TRPV4: variants seen among roughly 807,000 people sequenced by gnomAD.
TRPV4 encodes the protein transient receptor potential cation channel subfamily V member 4, also known as OSM9-like transient receptor potential channel 4.
In TRPV4, 58 loss-of-function variants were observed where a neutral mutation model predicts 84.1. The observed-to-expected ratio is 0.69, with a 90% CI of 0.56 to 0.86. The LOEUF is 0.86. Among genes scored for constraint, TRPV4 ranks in the 40% least tolerant of loss-of-function variants. TRPV4 has a pLI of 0.00. For synonymous variants in TRPV4, 489 were observed against 500.9 expected (o/e 0.98, Z 0.32); for missense variants, 879 against 1,181.1 (o/e 0.74, Z 3.75).
Position 109,803,017 on chromosome 12 carries a change from G to A in TRPV4, c.686C>T (p.Ser229Leu), listed in dbSNP as rs373980330. ...RTGNMREFIN[S>L]PFRDIYYRGQ... is the part of the protein sequence containing the mutation. ...TCGATAGTAGATGTCACGGAAGGGC[G>A]AGTTAATGAACTCCCTCATGTTGCC... is the stretch of plus-strand genomic sequence containing the variant. Residue 229 changes from serine to leucine, a missense_variant, in exon 4 of 16, where the codon TCG becomes TTG. Physicochemically the swap from Ser to Leu is moderately radical, Grantham distance 145. Transcript: ENST00000261740. 1.3e-5 allele frequency: 21 copies of A among 1,613,938 alleles called. No individual in the cohort carries two copies. The highest frequency in any genetic ancestry group is 4.0e-5 in the African/African-American group (3 of 74,926).
chr12:109,806,698 A>T (rs1891155766), intron 3 of TRPV4, among the ~76,000 whole-genome samples: 1 of 30,064 alleles, frequency 3.3e-5, no homozygotes, highest in Non-Finnish European at 1.0e-4. Flanking sequence ...TTAAAAAAAA[A>T]GAAAAAAAAA....
chr12:109,798,548 C>G lies in TRPV4; in HGVS notation c.1152+66G>C. ...ATTAATAATGAATACCAGCAGCAGA[C>G]CCTCGTGTGTGTGTGCAGAGGGGTA... On this transcript the variant is annotated intron_variant, in intron 6 of 15. Coordinates refer to ENST00000261740, the MANE Select transcript of TRPV4 (RefSeq NM_021625.5). The surrounding 1 kb of genome is among the most constrained non-coding windows in gnomAD (Gnocchi z 5.0). 1 of 1,584,530 alleles carries G rather than the reference C, an allele frequency of 6.3e-7. No individual in the cohort carries two copies. Among genetic ancestry groups the G allele is most frequent in the South Asian group, 1.1e-5 (1 of 90,026 alleles).
chr12:109,802,455 C>T (rs1890851378), intron 4 of TRPV4, among the ~76,000 whole-genome samples: 1 of 151,840 alleles, frequency 6.6e-6, no homozygotes, highest in Non-Finnish European at 1.5e-5. Flanking sequence ...GTGCGCACCA[C>T]CACGCCTGGC....
Position 109,786,860 on chromosome 12 carries a change from G to A in TRPV4, c.2209-23C>T. ...CCACTGCGGGGAGGGAGGGTCAGGAGGGACATCGGTGAGCCTCACAGCCTG... is the reference window on the plus strand; with the variant it reads ...CCACTGCGGGGAGGGAGGGTCAGGAAGGACATCGGTGAGCCTCACAGCCTG... On this transcript the variant is annotated intron_variant, in intron 13 of 15. Transcript: ENST00000261740. This position sits in a 1 kb window ranked among gnomAD's most constrained non-coding sequence, Gnocchi z 4.5. 6.2e-7 allele frequency: 1 copy of A among 1,613,380 alleles called. No homozygotes were observed.
At position 109,794,321 on chromosome 12, in the gene TRPV4, G is replaced by A. The variant is rs752455441; in HGVS notation, c.1491+8C>T. The A allele has an allele frequency of 1.3e-5, 21 of 1,611,232 alleles. No homozygotes were observed. The African/African-American group carries it at 2.8e-4, about 22-fold the overall frequency. On this transcript the variant is annotated splice_region_variant and intron_variant, in intron 8 of 15. Transcript: ENST00000261740. ...GCCCCAGCCCCTGCCCGGTCCCCGG[G>A]CACTCACTGTGCCCTCCAGCGGCTG...
chr12:109,796,129 T>C lies in TRPV4; in HGVS notation c.1332+396A>G, dbSNP rs1183789631. Among the ~76,000 whole-genome samples, 3 of 152,160 alleles carry C rather than the reference T, an allele frequency of 2.0e-5. No individual in the cohort carries two copies. The highest frequency in any genetic ancestry group is 4.4e-5 in the Non-Finnish European group (3 of 68,016). On this transcript the variant is annotated intron_variant, in intron 7 of 15. Transcript: ENST00000261740. This position sits in a 1 kb window ranked among gnomAD's most constrained non-coding sequence, Gnocchi z 4.2. ...AAAAGCTGACATAATGTTTACTCTG[T>C]GCCAAGCCATTCTAAAATTAACCTC...
intron 2 of TRPV4, among the ~76,000 whole-genome samples, chr12:109,812,494 G>A (rs978598643): frequency 6.6e-6 from 1 of 152,232 alleles, no homozygotes; most frequent in Admixed American, 6.5e-5. Context: ...AGGAAGAGAA[G>A]GTAGGGAGAT....
At position 109,814,728 on chromosome 12, in the gene TRPV4, A is replaced by C. The variant is rs970940485; in HGVS notation, c.69T>G (p.Ser23Arg). 12 of 1,596,386 alleles carry C rather than the reference A, an allele frequency of 7.5e-6. No individual in the cohort carries two copies. The highest frequency in any genetic ancestry group is 3.5e-5 in the Admixed American group (2 of 57,494). Reference protein sequence around the residue: ...GEVAELPGDESGTPGGEAFPL... With the variant: ...GEVAELPGDERGTPGGEAFPL... The stretch of plus-strand genomic sequence containing the variant: ...GAAAAGCCTCCCCACCTGGGGTGCC[A>C]CTCTCATCCCCGGGGAGCTCAGCCA... The change falls in exon 2 of 16, where the codon AGT (serine) becomes AGG (arginine). Residue 23 changes from serine to arginine, a missense_variant. Ser to Arg is a moderately radical substitution (Grantham distance 110). Transcript: ENST00000261740. The surrounding 1 kb of genome is among the most constrained non-coding windows in gnomAD (Gnocchi z 5.4).
At position 109,831,116 on chromosome 12, in the gene TRPV4, C is replaced by T. The variant is rs933889665; in HGVS notation, c.-32+2234G>A. ...CTGATTTAGCTCCTGCCTGTCTGAT[C>T]CCTCACCCTTTCCAGTCACGTCACA... On this transcript the variant is annotated intron_variant, in intron 1 of 15. Transcript: ENST00000261740. 3.6e-5 allele frequency among the ~76,000 whole-genome samples: 5 copies of T among 138,942 alleles called. No individual in the cohort carries two copies. The East Asian group carries it at 7.9e-4, about 22-fold the overall frequency. 91.2% of individuals were successfully genotyped at this position (138,942 alleles called of 152,430 possible).
chr12:109,792,914 G>A, intron 10 of TRPV4, 97 bp from the exon 11 acceptor site: 1 of 1,302,936 alleles, frequency 7.7e-7, no homozygotes. Context: ...CAGGGTATCA[G>A]GACTTCCCAA....
chr12:109,788,620 C>T lies in TRPV4; in HGVS notation c.1988G>A (p.Ser663Asn). ...CAGGAGGAAGGTGCTGAAGGTCTCG[C>T]TGTCACGGCACGAGGGGTAAGTGGG... ...TVPTYPSCRD[S>N]ETFSTFLLDL... Residue 663 changes from serine (S) to asparagine (N), a missense_variant, in exon 13 of 16, where the codon AGC (serine) becomes AAC (asparagine). Physicochemically the swap from Ser to Asn is conservative, Grantham distance 46 (BLOSUM62 1). Coordinates refer to ENST00000261740, the MANE Select transcript of TRPV4 (RefSeq NM_021625.5). The T allele has an allele frequency of 6.2e-7, 1 of 1,614,246 alleles. No homozygotes were observed. The highest frequency in any genetic ancestry group is 8.5e-7 in the Non-Finnish European group (1 of 1,180,054).
In TRPV4 at chr12:109,815,226, G is replaced by A. The variant is rs1293606914; in HGVS notation, c.-31-399C>T. ...GTCATTCCATGACATTGAGCAAGTC[G>A]ACATTTCATAGCCTCAGCTTCCTGA... On this transcript the variant is annotated intron_variant, in intron 1 of 15. Coordinates refer to ENST00000261740, the MANE Select transcript of TRPV4 (RefSeq NM_021625.5). This position sits in a 1 kb window ranked among gnomAD's most constrained non-coding sequence, Gnocchi z 4.1. Among the ~76,000 whole-genome samples, 2 of 152,218 alleles carry A rather than the reference G, an allele frequency of 1.3e-5. No homozygotes were observed. The highest frequency in any genetic ancestry group is 4.8e-5 in the African/African-American group (2 of 41,448).
intron 1 of TRPV4, among the ~76,000 whole-genome samples, chr12:109,817,086 G>C (rs1350678069): frequency 6.6e-6 from 1 of 152,136 alleles, no homozygotes; most frequent in Non-Finnish European, 1.5e-5. Flanking sequence ...CTGGAGACAC[G>C]AAGTCCTTTC....
Position 109,792,709 on chromosome 12 carries a change from G to A in TRPV4, c.1767C>T (p.Ala589=). 6.2e-7 allele frequency: 1 copy of A among 1,614,140 alleles called. No individual in the cohort carries two copies. The highest frequency in any genetic ancestry group is 2.2e-5 in the East Asian group (1 of 44,870). ...GCTTCAGCCCACGGGTGAAGTAAAGGGCATTCATCCAGCCCAGGACCAGGG... is the reference window on the plus strand; with the variant it reads ...GCTTCAGCCCACGGGTGAAGTAAAGAGCATTCATCCAGCCCAGGACCAGGG... The part of the protein sequence containing the change: ...VFALVLGWMN[A]LYFTRGLKLT... The change falls in exon 11 of 16, where the codon GCC becomes GCT. Residue 589 remains alanine, a synonymous_variant. Transcript: ENST00000261740.
At chr12:109,785,365 T>A (rs1165939751) in intron 14 of TRPV4, among the ~76,000 whole-genome samples, 1 of 152,058 alleles carries the variant, frequency 6.6e-6, no homozygotes, top group African/African-American at 2.4e-5. Flanking sequence ...CATTTTTTTA[T>A]ATATTATCTT....
chr12:109,791,768 G>A (rs1294647988), intron 12 of TRPV4, among the ~76,000 whole-genome samples: 1 of 151,828 alleles, frequency 6.6e-6, no homozygotes, highest in Non-Finnish European at 1.5e-5. Flanking sequence ...ACAGATGTGA[G>A]CCACTGCGCC....
chr12:109,809,947 T>A (rs936822020), intron 2 of TRPV4, among the ~76,000 whole-genome samples: 4 of 152,236 alleles, frequency 2.6e-5, no homozygotes, highest in Non-Finnish European at 4.4e-5. Context: ...TAGTTGATAT[T>A]ACCATTATTA....
intron 1 of TRPV4, among the ~76,000 whole-genome samples, chr12:109,827,071 G>C (rs1240519031): frequency 6.6e-6 from 1 of 152,190 alleles, no homozygotes; most frequent in Non-Finnish European, 1.5e-5. Flanking sequence ...TGAAAGACGG[G>C]CTTAGTCATT....
chr12:109,833,367 G>C lies in TRPV4; in HGVS notation c.-49C>G, dbSNP rs1161146163. 2.0e-5 allele frequency: 3 copies of C among 152,254 alleles called. No individual in the cohort carries two copies. The East Asian group carries it at 5.8e-4, about 30-fold the overall frequency. The allele number at this position is 152,254 out of a possible 1,614,324, so 9.4% of individuals were successfully genotyped here. ...CCACTTACCTCCGGGACGGCTGGGC[G>C]CCGGCGGCCGGGAGATCCGCGCTTC... On this transcript the variant is annotated 5_prime_UTR_variant, in exon 1 of 16. Coordinates refer to ENST00000261740, the MANE Select transcript of TRPV4 (RefSeq NM_021625.5).
Sources: gnomAD v4.1 joint callset for allele counts (sites outside exome capture counted in the v4.1 genomes callset) on GRCh38, gnomAD v4.1.1 for gene constraint, Gnocchi (gnomAD v3.1) non-coding constraint, MANE v1.5 for transcripts, NCBI Gene and HGNC (gene_info 2026-07-23, HGNC 2026-07-21) for gene names.